Variants in AGO3 observed in about 807,000 individuals in gnomAD.
AGO3 encodes protein argonaute-3.
Under a neutral mutation model 105.5 loss-of-function variants are expected in AGO3, and 16 were observed. That is an observed-to-expected ratio of 0.15 (90% confidence interval 0.10 to 0.23). AGO3 has a LOEUF of 0.23. Ranked by LOEUF, AGO3 falls within the 10% of genes least tolerant of loss-of-function variation. The pLI, the probability that AGO3 is intolerant of heterozygous loss-of-function variation, is 1.00. For missense variants in AGO3, 534 were observed against 1,088.0 expected (o/e 0.49, Z 7.16); for synonymous variants, 340 against 367.3 (o/e 0.93, Z 0.85).
chr1:36,048,544 A>G (rs1421425892), intron 17 of AGO3, among the ~76,000 whole-genome samples: 1 of 152,176 alleles, frequency 6.6e-6, no homozygotes, highest in Non-Finnish European at 1.5e-5. Flanking sequence ...TGCTCTACAG[A>G]AAACCACCAA....
rs1642900779 is a variant in AGO3, at chr1:36,055,865, G to C, written c.*120G>C. 2.0e-5 allele frequency: 17 copies of C among 853,476 alleles called. No individual in the cohort carries two copies. The highest frequency in any genetic ancestry group is 3.1e-5 in the Non-Finnish European group (17 of 541,824). The allele number at this position is 853,476 out of a possible 1,614,324, so 52.9% of individuals were successfully genotyped here. ...AGCCATACAGAAACCAACACTGTGT[G>C]GGGGCCAAGGTCTGATCCTTATGTT... On this transcript the variant is annotated 3_prime_UTR_variant, in exon 19 of 19. Transcript: ENST00000373191. This position sits in a 1 kb window ranked among gnomAD's most constrained non-coding sequence, Gnocchi z 4.4.
intron 3 of AGO3, among the ~76,000 whole-genome samples, chr1:35,970,392 T>G (rs560731631): frequency 6.6e-6 from 1 of 152,196 alleles, no homozygotes; most frequent in Admixed American, 6.5e-5. Flanking sequence ...CATTTCATAT[T>G]TGTATCTTTC....
intron 11 of AGO3, among the ~76,000 whole-genome samples, chr1:36,019,832 G>A (rs752566902): frequency 3.9e-5 from 6 of 152,008 alleles, no homozygotes; most frequent in Admixed American, 1.3e-4. Context: ...GCAGTGGTGC[G>A]ATCTCGGCTC....
intron 1 of AGO3, among the ~76,000 whole-genome samples, chr1:35,939,937 T>C (rs1447003601): frequency 6.6e-6 from 1 of 152,170 alleles, no homozygotes; most frequent in Non-Finnish European, 1.5e-5. Flanking sequence ...TAGTAGTAAC[T>C]ATAAAAGTTA....
At chr1:36,026,604 G>A (rs547702698) in intron 11 of AGO3, among the ~76,000 whole-genome samples, 47 of 152,232 alleles carry the variant, frequency 3.1e-4, no homozygotes, top group African/African-American at 9.9e-4. Flanking sequence ...AATACCTGCC[G>A]TGCCTCTTTC....
intron 5 of AGO3, among the ~76,000 whole-genome samples, chr1:35,988,991 G>A (rs1034725275): frequency 6.6e-6 from 1 of 152,200 alleles, no homozygotes; most frequent in African/African-American, 2.4e-5. Context: ...GATTTTGCAA[G>A]CCTTGTACGT....
chr1:35,972,312 T>C, intron 4 of AGO3, 80 bp downstream of exon 4: 1 of 1,407,310 alleles, frequency 7.1e-7, no homozygotes, highest in Non-Finnish European at 9.8e-7. Flanking sequence ...GTTAAACCTT[T>C]ATTTGTCATA....
rs985479380 is a variant in AGO3 at position 35,931,130 on chromosome 1, G to A, written c.-297G>A. The A allele has an allele frequency of 1.5e-5, 6 of 396,510 alleles. No individual in the cohort carries two copies. The highest frequency in any genetic ancestry group is 6.2e-5 in the African/African-American group (3 of 48,462). The allele number at this position is 396,510 out of a possible 1,614,324, so 24.6% of individuals were successfully genotyped here. On this transcript the variant is annotated 5_prime_UTR_variant, in exon 1 of 19. It adds an upstream start codon to the 5' untranslated region. Coordinates refer to ENST00000373191, the MANE Select transcript of AGO3 (RefSeq NM_024852.4). ...AGGTCGGCGGCGGCGGCCCGCAGTC[G>A]TGGAGGAGCGGTGGGAGCGTCGGCG...
rs1557658922 is a variant in AGO3 at position 35,972,855 on chromosome 1, A to ATT, written c.522-520_522-519insTT. Among the ~76,000 whole-genome samples, 15 of 139,378 alleles carry ATT rather than the reference A, an allele frequency of 1.1e-4. No individual in the cohort carries two copies. The East Asian group carries it at 5.3e-3, about 50-fold the overall frequency. 91.4% of individuals were successfully genotyped at this position (139,378 alleles called of 152,430 possible). A position where few individuals can be genotyped will look rare whatever the true frequency, so the allele number is the denominator to read the frequency against. ...CATCATGCCTGACTAATTAAAAAAA[A>ATT]ATTTTTTTTTTTTTTTTTTTTTGTA... On this transcript the variant is annotated intron_variant, in intron 4 of 18. Coordinates refer to ENST00000373191, the MANE Select transcript of AGO3 (RefSeq NM_024852.4).
intron 1 of AGO3, among the ~76,000 whole-genome samples, chr1:35,934,374 A>G (rs1203553149): frequency 6.6e-6 from 1 of 152,250 alleles, no homozygotes; most frequent in Non-Finnish European, 1.5e-5. Flanking sequence ...ACAGTCTTGC[A>G]AAAGTGAATA....
At position 35,972,242 on chromosome 1, in the gene AGO3, T is replaced by G; in HGVS notation, c.521+10T>G. 2 of 1,612,874 alleles carry G rather than the reference T, an allele frequency of 1.2e-6. No homozygotes were observed. Among genetic ancestry groups the G allele is most frequent in the South Asian group, 2.2e-5 (2 of 91,010 alleles). On this transcript the variant is annotated intron_variant, in intron 4 of 18. Coordinates refer to ENST00000373191, the MANE Select transcript of AGO3 (RefSeq NM_024852.4). ...ATCTGCCCTCCATGAAGTGGGTGCT[T>G]CTGCTTTTTTTCTCTTTAGATTTTA...
In AGO3 at chr1:36,066,968, ATGT is replaced by A. The variant is rs2148874088; in HGVS notation, c.*11227_*11229del. ...CTCTGTAATCTAAATTTATATGATA[ATGT>A]TGTCCCAGACCCAAAGGCACACCTA... is the stretch of plus-strand genomic sequence containing the variant. On this transcript the variant is annotated 3_prime_UTR_variant, in exon 19 of 19. Transcript: ENST00000373191. 1 of 152,326 alleles carries A rather than the reference ATGT, an allele frequency of 6.6e-6. No individual in the cohort carries two copies. The highest frequency in any genetic ancestry group is 1.9e-4 in the East Asian group (1 of 5,188). The allele number at this position is 152,326 out of a possible 1,614,324, so 9.4% of individuals were successfully genotyped here.
At chr1:35,974,797 A>G (rs1278500896) in intron 5 of AGO3, among the ~76,000 whole-genome samples, 3 of 152,314 alleles carry the variant, frequency 2.0e-5, no homozygotes, top group East Asian at 3.9e-4. Flanking sequence ...TTCTGTGGAA[A>G]AGCTCAGTGT....
rs1216840476 is a variant in AGO3, at chr1:36,056,110, A to G, written c.*365A>G. ...AGAAAAAGTAAATGATGGTTTAAAA[A>G]ATACACACCTTCATGAATAATCAAA... On this transcript the variant is annotated 3_prime_UTR_variant, in exon 19 of 19. Transcript: ENST00000373191. 4 of 163,412 alleles carry G rather than the reference A, an allele frequency of 2.4e-5. No homozygotes were observed. Among genetic ancestry groups the G allele is most frequent in the Non-Finnish European group, 5.3e-5 (4 of 75,118 alleles). 10.1% of individuals were successfully genotyped at this position (163,412 alleles called of 1,614,324 possible). A position where few individuals can be genotyped will look rare whatever the true frequency, so the allele number is the denominator to read the frequency against.
rs540886962 is a variant in AGO3, at chr1:35,958,153, C to T, written c.192-8802C>T. 3.9e-5 allele frequency among the ~76,000 whole-genome samples: 6 copies of T among 152,070 alleles called. No homozygotes were observed. In the East Asian group the frequency reaches 7.8e-4, roughly 20 times the overall value. On this transcript the variant is annotated intron_variant, in intron 2 of 18. Coordinates refer to ENST00000373191, the MANE Select transcript of AGO3 (RefSeq NM_024852.4). ...ATCCCAGCACTTTGGGAGGCCAAGG[C>T]GGGCGGATCACAAGGTCTGGAGTTC...
chr1:35,989,929 C>T (rs1647460286), intron 5 of AGO3, among the ~76,000 whole-genome samples: 1 of 151,948 alleles, frequency 6.6e-6, no homozygotes, highest in Admixed American at 6.6e-5. Context: ...GTTATATCTC[C>T]CTTAAGATGT....
chr1:35,955,967 A>G (rs951527685), intron 2 of AGO3, among the ~76,000 whole-genome samples: 3 of 152,164 alleles, frequency 2.0e-5, no homozygotes, highest in Admixed American at 2.0e-4. Flanking sequence ...GCACCTGACC[A>G]TCTAATGTGG....
chr1:35,981,666 G>T (rs1301091187), intron 5 of AGO3, among the ~76,000 whole-genome samples: 1 of 152,182 alleles, frequency 6.6e-6, no homozygotes, highest in Non-Finnish European at 1.5e-5. Context: ...TTACAAAAGA[G>T]CATGCCTCAC....
chr1:36,027,431 C>T lies in AGO3; in HGVS notation c.1591+133C>T, dbSNP rs1641553127. On this transcript the variant is annotated intron_variant, in intron 12 of 18. Coordinates refer to ENST00000373191, the MANE Select transcript of AGO3 (RefSeq NM_024852.4). This position sits in a 1 kb window ranked among gnomAD's most constrained non-coding sequence, Gnocchi z 4.0. ...CAGTATTTAAAACCATGTATTATTACTTGAAGACAAATTAATATAGCAAAC... is the reference window on the plus strand; with the variant it reads ...CAGTATTTAAAACCATGTATTATTATTTGAAGACAAATTAATATAGCAAAC... 1 of 886,776 alleles carries T rather than the reference C, an allele frequency of 1.1e-6. No individual in the cohort carries two copies. The highest frequency in any genetic ancestry group is 1.6e-6 in the Non-Finnish European group (1 of 630,028). 54.9% of individuals were successfully genotyped at this position (886,776 alleles called of 1,614,324 possible).
Sources: gnomAD v4.1 joint callset for allele counts (sites outside exome capture counted in the v4.1 genomes callset) on GRCh38, gnomAD v4.1.1 for gene constraint, Gnocchi (gnomAD v3.1) non-coding constraint, MANE v1.5 for transcripts, NCBI Gene and HGNC (gene_info 2026-07-23, HGNC 2026-07-21) for gene names.